SFI1: variants seen among roughly 807,000 people sequenced by gnomAD.
SFI1 encodes protein SFI1 homolog.
SFI1 carries 195 observed loss-of-function variants against 207.5 expected under a neutral mutation model. The observed-to-expected ratio is 0.94, with a 90% CI of 0.84 to 1.06. The LOEUF (loss-of-function observed/expected upper bound fraction) is 1.06. Ranked by LOEUF, SFI1 falls within the 50% of genes least tolerant of loss-of-function variation. SFI1 has a pLI of 0.00. For missense variants in SFI1, 1,634 were observed against 1,588.0 expected (o/e 1.03, Z -0.49); for synonymous variants, 630 against 598.9 (o/e 1.05, Z -0.76).
At chr22:31,529,321 G>A (rs2058242359) in intron 3 of SFI1, among the ~76,000 whole-genome samples, 2 of 152,132 alleles carry the variant, frequency 1.3e-5, no homozygotes, top group South Asian at 4.1e-4. Context: ...GCCGAGGCAG[G>A]TGGATCACCT....
rs1193032766 is a variant in SFI1, at chr22:31,602,894, A to G, written c.1805+109A>G. ...TGTCTGGAGGACTGCATTACCCCAG[A>G]CTCTGGTTGTAAGTTCTGGAAGTTC... On this transcript the variant is annotated intron_variant, in intron 17 of 32. Transcript: ENST00000400288. The G allele has an allele frequency of 3.2e-6, 4 of 1,252,560 alleles. No individual in the cohort carries two copies. In the African/African-American group the frequency reaches 6.1e-5, roughly 19 times the overall value. 77.6% of individuals were successfully genotyped at this position (1,252,560 alleles called of 1,614,324 possible). A position where few individuals can be genotyped will look rare whatever the true frequency, so the allele number is the denominator to read the frequency against.
chr22:31,525,413 A>G (rs993041632), intron 2 of SFI1, among the ~76,000 whole-genome samples: 6 of 151,990 alleles, frequency 3.9e-5, no homozygotes, highest in African/African-American at 9.7e-5. Context: ...CCTTTCCCCA[A>G]TGTTCTTGGA....
At chr22:31,616,367 C>T (rs909891062) in intron 29 of SFI1, 1 of 189,722 alleles carries the variant, frequency 5.3e-6, no homozygotes, top group Non-Finnish European at 1.1e-5. Flanking sequence ...GGCTGTAGAG[C>T]AGTGGCCTCT....
chr22:31,502,671 G>T (rs2053991851), intron 1 of SFI1, among the ~76,000 whole-genome samples: 1 of 152,104 alleles, frequency 6.6e-6, no homozygotes, highest in Admixed American at 6.5e-5. Context: ...ACTGCGCCCG[G>T]CCAGGTTCAA....
intron 15 of SFI1, among the ~76,000 whole-genome samples, chr22:31,601,128 C>CTTTTT (rs11354377): frequency 3.7e-5 from 3 of 80,316 alleles, no homozygotes; most frequent in Non-Finnish European, 4.9e-5. Context: ...CTTTTCTTTA[C>CTTTTT]TTTTTTTTTT....
intron 2 of SFI1, among the ~76,000 whole-genome samples, chr22:31,510,304 G>T (rs895289062): frequency 4.6e-5 from 7 of 151,754 alleles, no homozygotes; most frequent in African/African-American, 7.3e-5. Flanking sequence ...AGGCAATCTT[G>T]CTGCCTCAGC....
chr22:31,499,984 T>TAAA (rs77752661), intron 1 of SFI1, among the ~76,000 whole-genome samples: 53 of 117,794 alleles, frequency 4.5e-4, no homozygotes, highest in African/African-American at 1.3e-3. Context: ...GACTCCATCT[T>TAAA]AAAAAAAAAA....
chr22:31,581,200 A>G (rs1279813184), intron 12 of SFI1, among the ~76,000 whole-genome samples: 2 of 151,510 alleles, frequency 1.3e-5, no homozygotes, highest in East Asian at 3.9e-4. Context: ...GCTGATCTCA[A>G]ACTCCTGGGC....
Position 31,546,891 on chromosome 22 carries a change from G to C in SFI1, c.369G>C (p.Lys123Asn). 6.2e-7 allele frequency: 1 copy of C among 1,611,724 alleles called. No individual in the cohort carries two copies. Among genetic ancestry groups the C allele is most frequent in the Non-Finnish European group, 8.5e-7 (1 of 1,179,014 alleles). Residue 123 changes from lysine to asparagine, a missense_variant, in exon 5 of 33, where the codon AAG becomes AAC. Physicochemically the swap from Lys to Asn is moderately conservative, Grantham distance 94. Transcript: ENST00000400288. ...RFYYEQRLLR[K>N]VFEEWKEEWW... The stretch of plus-strand genomic sequence containing the variant: ...ACTATGAGCAGCGATTACTACGGAA[G>C]GTCTTCGAAGAATGGAAAGAGGAGT...
rs769499376 is a variant in SFI1, at chr22:31,618,419, C to G, written c.*1C>G. 6.4e-7 allele frequency: 1 copy of G among 1,567,054 alleles called. No individual in the cohort carries two copies. The highest frequency in any genetic ancestry group is 8.7e-7 in the Non-Finnish European group (1 of 1,152,274). The stretch of plus-strand genomic sequence containing the variant: ...GGCCCTGCGGCAGGCCCTGTGCTAG[C>G]GTGTTCGCACCAGGAACGCAGGTGC... On this transcript the variant is annotated 3_prime_UTR_variant, in exon 33 of 33. Coordinates refer to ENST00000400288, the MANE Select transcript of SFI1 (RefSeq NM_001007467.3).
chr22:31,545,584 A>AATTTTATTTTATTTAATTTT (rs2060003884), intron 4 of SFI1, among the ~76,000 whole-genome samples: 3 of 144,882 alleles, frequency 2.1e-5, no homozygotes, highest in African/African-American at 5.0e-5. Flanking sequence ...AATTTAATTT[A>AATTTTATTTTATTTAATTTT]ATTTTATTTT....
In SFI1 at chr22:31,604,925, G is replaced by A; in HGVS notation, c.2034G>A (p.Gln678=). The A allele has an allele frequency of 6.2e-7, 1 of 1,610,476 alleles. No individual in the cohort carries two copies. The highest frequency in any genetic ancestry group is 8.5e-7 in the Non-Finnish European group (1 of 1,178,260). The change falls in exon 20 of 33, where the codon CAG becomes CAA. Residue 678 remains glutamine (Q), a synonymous_variant. Coordinates refer to ENST00000400288, the MANE Select transcript of SFI1 (RefSeq NM_001007467.3). The stretch of plus-strand genomic sequence containing the variant: ...GGGAGGTGGCAGCCAGGGAGAGCCA[G>A]CACAACAGGCAGCTGCTGCGGTGAG... The part of the protein sequence containing the change: ...ILREVAARES[Q]HNRQLLRGAL...
At chr22:31,556,909 A>T (rs537774511) in intron 6 of SFI1, 33 bp from the exon 7 acceptor site, 8 of 1,467,850 alleles carry the variant, frequency 5.5e-6, no homozygotes, top group Middle Eastern at 1.8e-4. Flanking sequence ...ATCTCTCCCC[A>T]TGCCTTTTGA....
rs1602695600 is a variant in SFI1 at position 31,559,535 on chromosome 22, G to GCAACAT, written c.663-1750_663-1745dup. ...CAGCGTATTTTGCGAATACTCAACA[G>GCAACAT]CAACATCAACGGGCAGCAGAAAATA... On this transcript the variant is annotated intron_variant, in intron 7 of 32. Transcript: ENST00000400288. 8.8e-5 allele frequency: 51 copies of GCAACAT among 577,838 alleles called. No homozygotes were observed. The East Asian group carries it at 1.7e-3, about 20-fold the overall frequency. 35.8% of individuals were successfully genotyped at this position (577,838 alleles called of 1,614,324 possible).
intron 6 of SFI1, among the ~76,000 whole-genome samples, chr22:31,555,514 G>T (rs537441297): frequency 1.3e-5 from 2 of 152,296 alleles, no homozygotes; most frequent in East Asian, 3.8e-4. Flanking sequence ...AGGAAGCATG[G>T]TTCTCAGTTG....
intron 8 of SFI1, among the ~76,000 whole-genome samples, chr22:31,568,933 T>G (rs1219888356): frequency 1.3e-5 from 2 of 152,144 alleles, no homozygotes; most frequent in Non-Finnish European, 2.9e-5. Flanking sequence ...TTGAAATAAT[T>G]TTCAAAGAAA....
intron 15 of SFI1, among the ~76,000 whole-genome samples, chr22:31,591,120 C>T (rs910828954): frequency 5.3e-5 from 8 of 151,992 alleles, no homozygotes; most frequent in African/African-American, 1.9e-4. Flanking sequence ...TGCGGCCTTC[C>T]GCAGTGTTTG....
intron 4 of SFI1, among the ~76,000 whole-genome samples, chr22:31,542,163 C>T (rs2059602765): frequency 6.6e-6 from 1 of 151,138 alleles, no homozygotes; most frequent in African/African-American, 2.4e-5. Context: ...ATCTCTCCCC[C>T]ACCCCCCGAG....
chr22:31,541,591 TA>T (rs2059496608), intron 4 of SFI1, among the ~76,000 whole-genome samples: 1 of 151,190 alleles, frequency 6.6e-6, no homozygotes, highest in African/African-American at 2.4e-5. Flanking sequence ...CCGTTTGTAC[TA>T]AAAATACAAA....
Sources: gnomAD v4.1 joint callset for allele counts (sites outside exome capture counted in the v4.1 genomes callset) on GRCh38, gnomAD v4.1.1 for gene constraint, MANE v1.5 for transcripts, NCBI Gene and HGNC (gene_info 2026-07-23, HGNC 2026-07-21) for gene names.